The following LSG1 variants were observed in gnomAD, a reference collection of about 807,000 sequenced individuals.
The protein encoded by LSG1 is large 60S subunit nuclear export GTPase 1, also known as large subunit GTPase 1 homolog.
In LSG1, 55 loss-of-function variants were observed where a neutral mutation model predicts 82.6. That is an observed-to-expected ratio of 0.67 (90% CI 0.54 to 0.83). The LOEUF (loss-of-function observed/expected upper bound fraction) is 0.83, where lower values mean the gene tolerates loss of function less well. LSG1 is among the 40% of genes least tolerant of loss of function. The pLI is 0.00. For missense variants in LSG1, 809 were observed against 807.9 expected (o/e 1.00, Z -0.02); for synonymous variants, 272 against 282.5 (o/e 0.96, Z 0.37).
intron 2 of LSG1, among the ~76,000 whole-genome samples, chr3:194,668,818 T>C (rs1391428081): frequency 1.3e-5 from 2 of 152,134 alleles, no homozygotes; most frequent in African/African-American, 2.4e-5. Flanking sequence ...CATCAACGTA[T>C]GAATGGATAA....
chr3:194,661,879 G>A (rs1013235990), intron 5 of LSG1, among the ~76,000 whole-genome samples: 1 of 152,132 alleles, frequency 6.6e-6, no homozygotes, highest in African/African-American at 2.4e-5. Context: ...CCAAGCTGAA[G>A]CTAGAAGTTT....
intron 1 of LSG1, chr3:194,671,744 T>C (rs1344198875): frequency 7.8e-6 from 3 of 384,254 alleles, no homozygotes; most frequent in Non-Finnish European, 1.4e-5. Flanking sequence ...TTTGTCTTTT[T>C]CCTGCTCTGG....
At chr3:194,668,759 C>T (rs1206611079) in intron 2 of LSG1, among the ~76,000 whole-genome samples, 1 of 152,124 alleles carries the variant, frequency 6.6e-6, no homozygotes, top group Non-Finnish European at 1.5e-5. Flanking sequence ...TCCCATGTTC[C>T]CTGCAGCGCT....
At chr3:194,669,729 C>G (rs908740921) in intron 2 of LSG1, among the ~76,000 whole-genome samples, 1 of 152,126 alleles carries the variant, frequency 6.6e-6, no homozygotes. Context: ...GTCAGGAGAT[C>G]AAGAACATCC....
chr3:194,666,883 T>C (rs943136611), intron 2 of LSG1, among the ~76,000 whole-genome samples: 13 of 152,146 alleles, frequency 8.5e-5, no homozygotes, highest in African/African-American at 1.2e-4. Context: ...TCTGGTAGCT[T>C]GTTAAAAATG....
chr3:194,648,596 A>G, intron 11 of LSG1, 85 bp downstream of exon 11: 1 of 1,373,312 alleles, frequency 7.3e-7, no homozygotes, highest in Non-Finnish European at 1.0e-6. Context: ...GCAGAACAGC[A>G]ATTCTAGTAC....
rs922522996 is a variant in LSG1 at position 194,641,775 on chromosome 3, G to A, written c.*293C>T. 51 of 231,898 alleles carry A rather than the reference G, an allele frequency of 2.2e-4. No homozygotes were observed. Among genetic ancestry groups the A allele is most frequent in the African/African-American group, 8.6e-4 (38 of 43,996 alleles). The allele number at this position is 231,898 out of a possible 1,614,324, so 14.4% of individuals were successfully genotyped here. ...ATTACAGGTGCGCGCCACCACGCCT[G>A]GCTAATTTTTTTGTATTTTTAGTAG... On this transcript the variant is annotated 3_prime_UTR_variant, in exon 14 of 14. Transcript: ENST00000265245.
intron 11 of LSG1, 65 bp downstream of exon 11, chr3:194,648,616 T>A: frequency 1.3e-6 from 2 of 1,503,858 alleles, no homozygotes; most frequent in Non-Finnish European, 1.8e-6. Context: ...CTATTACTAT[T>A]CTTATTTCTA....
intron 12 of LSG1, among the ~76,000 whole-genome samples, chr3:194,645,561 C>T (rs1422670798): frequency 1.6e-5 from 1 of 61,424 alleles, no homozygotes; most frequent in African/African-American, 5.9e-5. Context: ...CACACACACA[C>T]ACACACACAG....
At chr3:194,650,853 TAG>T in intron 10 of LSG1, 26 bp downstream of exon 10, 2 of 1,595,004 alleles carry the variant, frequency 1.3e-6, no homozygotes, top group South Asian at 2.3e-5. Context: ...ACGTAATAAC[TAG>T]AGTGTTTCCA....
At chr3:194,660,220 T>C in intron 5 of LSG1, 87 bp from the exon 6 acceptor site, 2 of 995,414 alleles carry the variant, frequency 2.0e-6, no homozygotes, top group Non-Finnish European at 3.2e-6. Context: ...TAGCAAACCC[T>C]GGCAATATAT....
intron 1 of LSG1, 49 bp from the exon 2 acceptor site, chr3:194,670,184 G>A: frequency 6.2e-7 from 1 of 1,604,988 alleles, no homozygotes; most frequent in Non-Finnish European, 8.5e-7. Context: ...TTCTGCTCTT[G>A]GCATCCAATA....
intron 7 of LSG1, among the ~76,000 whole-genome samples, chr3:194,653,737 A>T (rs939286880): frequency 6.6e-6 from 1 of 152,104 alleles, no homozygotes; most frequent in Non-Finnish European, 1.5e-5. Flanking sequence ...TTACTTTTGT[A>T]ATTTAAAATA....
chr3:194,653,222 G>A, intron 7 of LSG1, 80 bp from the exon 8 acceptor site: 1 of 1,425,788 alleles, frequency 7.0e-7, no homozygotes, highest in East Asian at 2.3e-5. Flanking sequence ...GTTGTAAGAT[G>A]GACAGAGGAT....
rs1266627013 is a variant in LSG1 at position 194,641,930 on chromosome 3, T to C, written c.*138A>G. 1.1e-6 allele frequency: 1 copy of C among 872,434 alleles called. No homozygotes were observed. The highest frequency in any genetic ancestry group is 1.7e-6 in the Non-Finnish European group (1 of 572,918). 54.0% of individuals were successfully genotyped at this position (872,434 alleles called of 1,614,324 possible). On this transcript the variant is annotated 3_prime_UTR_variant, in exon 14 of 14. Coordinates refer to ENST00000265245, the MANE Select transcript of LSG1 (RefSeq NM_018385.3). The stretch of plus-strand genomic sequence containing the variant: ...AGGCCCTTGGTCTTGACATGGAGAC[T>C]GTTGGGTGCAGCCGTGCTCTGCAAG...
At chr3:194,653,853 A>G (rs1197987519) in intron 7 of LSG1, among the ~76,000 whole-genome samples, 1 of 152,246 alleles carries the variant, frequency 6.6e-6, no homozygotes, top group Non-Finnish European at 1.5e-5. Context: ...TGGGCAACAC[A>G]GCAAGACTGG....
chr3:194,658,245 T>A (rs1016219282), intron 7 of LSG1, among the ~76,000 whole-genome samples: 1 of 152,156 alleles, frequency 6.6e-6, no homozygotes, highest in African/African-American at 2.4e-5. Context: ...CCTCCCAGGT[T>A]CAGCCGATTC....
rs1202835026 is a variant in LSG1 at position 194,642,071 on chromosome 3, C to T, written c.1974G>A (p.Met658Ile). The change falls in exon 14 of 14, where the codon ATG becomes ATA. Residue 658 changes from methionine to isoleucine, a missense_variant. Met to Ile is a conservative substitution (Grantham distance 10). Transcript: ENST00000265245. ...ACATTTCTGTTGCAGCCCAACCTCA[C>T]ATATCCAGGTGCTTGTAGAGTCTAC... is the stretch of plus-strand genomic sequence containing the variant. The part of the protein sequence containing the change: ...KSRRLYKHLD[M>I] The T allele has an allele frequency of 1.9e-6, 3 of 1,612,080 alleles. No individual in the cohort carries two copies. Among genetic ancestry groups the T allele is most frequent in the Non-Finnish European group, 2.5e-6 (3 of 1,179,898 alleles).
chr3:194,658,813 T>C, intron 7 of LSG1, 144 bp downstream of exon 7: 4 of 800,186 alleles, frequency 5.0e-6, no homozygotes, highest in Non-Finnish European at 8.1e-6. Context: ...TCACTTTCTA[T>C]AGGTCATCCT....
Sources: allele counts gnomAD v4.1 joint callset (sites outside exome capture counted in the v4.1 genomes callset), GRCh38; gene constraint gnomAD v4.1.1; transcripts MANE v1.5; gene names NCBI Gene and HGNC (gene_info 2026-07-23, HGNC 2026-07-21).